CAST: variants seen among roughly 807,000 people sequenced by gnomAD.
CAST encodes MIR583 host.
In CAST, 76 loss-of-function variants were observed where a neutral mutation model predicts 119.6. The ratio of observed to expected loss-of-function variants is 0.64; its 90% CI spans 0.53 to 0.77. The LOEUF (loss-of-function observed/expected upper bound fraction) is 0.77, where lower values mean the gene tolerates loss of function less well. CAST is among the 30% of genes least tolerant of loss of function. CAST has a pLI of 0.00. For synonymous variants in CAST, 319 were observed against 331.6 expected (o/e 0.96, Z 0.41); for missense variants, 953 against 946.5 (o/e 1.01, Z -0.09).
chr5:96,442,483 A>G, the CAST span, among the ~76,000 whole-genome samples: 1 of 152,242 alleles, frequency 6.6e-6, no homozygotes, highest in African/African-American at 2.4e-5. Context: ...TTATCCTAAA[A>G]TGTTATTACC....
At chr5:96,457,258 A>G in the CAST span, among the ~76,000 whole-genome samples, 1 of 152,154 alleles carries the variant, frequency 6.6e-6, no homozygotes, top group Non-Finnish European at 1.5e-5. Context: ...CCATTGCTCT[A>G]GCCCAAGTCA....
the CAST span, among the ~76,000 whole-genome samples, chr5:96,138,002 A>T: frequency 6.6e-6 from 1 of 151,998 alleles, no homozygotes; most frequent in African/African-American, 2.4e-5. Flanking sequence ...ACAAAGTCCA[A>T]CTTATGAATT....
intron 1 of CAST, among the ~76,000 whole-genome samples, chr5:96,561,004 A>G (rs550267508): frequency 3.3e-5 from 5 of 152,358 alleles, no homozygotes; most frequent in African/African-American, 1.2e-4. Flanking sequence ...CATATACACC[A>G]TGGAATACTA....
the CAST span, among the ~76,000 whole-genome samples, chr5:96,025,833 A>G: frequency 6.6e-6 from 1 of 152,214 alleles, no homozygotes; most frequent in East Asian, 1.9e-4. Flanking sequence ...TGGGAACAGC[A>G]TGTGTAAAGT....
chr5:96,358,543 T>G, the CAST span, among the ~76,000 whole-genome samples: 1 of 152,234 alleles, frequency 6.6e-6, no homozygotes, highest in Non-Finnish European at 1.5e-5. Flanking sequence ...TTTGTTCTCA[T>G]TGGTTTCAAA....
intron 1 of CAST, among the ~76,000 whole-genome samples, chr5:96,626,710 T>C (rs1263439466): frequency 6.6e-6 from 1 of 152,198 alleles, no homozygotes; most frequent in Non-Finnish European, 1.5e-5. Flanking sequence ...TTTAATTTTC[T>C]TCATGACAGT....
At chr5:96,750,886 A>C (rs1764908627) in intron 20 of CAST, among the ~76,000 whole-genome samples, 1 of 151,848 alleles carries the variant, frequency 6.6e-6, no homozygotes, top group Admixed American at 6.6e-5. Flanking sequence ...TAATTAAATT[A>C]CTCCCAACTG....
chr5:96,318,505 A>T, the CAST span: 3 of 152,312 alleles, frequency 2.0e-5, no homozygotes, highest in Admixed American at 2.0e-4. Flanking sequence ...GTCTTCATAT[A>T]CTTCAGCACT....
At chr5:96,204,474 C>T in the CAST span, among the ~76,000 whole-genome samples, 1 of 152,066 alleles carries the variant, frequency 6.6e-6, no homozygotes, top group African/African-American at 2.4e-5. Flanking sequence ...AAAGTGAAAA[C>T]TAGGTCCTCT....
At chr5:96,139,142 T>G in the CAST span, among the ~76,000 whole-genome samples, 2 of 152,008 alleles carry the variant, frequency 1.3e-5, no homozygotes, top group Non-Finnish European at 2.9e-5. Context: ...CAAATATCAT[T>G]CCCATTCTAT....
intron 19 of CAST, among the ~76,000 whole-genome samples, chr5:96,749,232 GC>G: frequency 1.3e-5 from 2 of 152,224 alleles, no homozygotes; most frequent in East Asian, 1.9e-4. Context: ...GGCTTTATCT[GC>G]TGCTTTTCCC....
the CAST span, among the ~76,000 whole-genome samples, chr5:96,264,791 A>G: frequency 0.19 from 29,545 of 152,128 alleles, 3,580 homozygotes; most frequent in Non-Finnish European, 0.25. Context: ...TCTCACGTGT[A>G]TATGCTTTTA....
At chr5:96,290,997 C>A in the CAST span, among the ~76,000 whole-genome samples, 1 of 152,210 alleles carries the variant, frequency 6.6e-6, no homozygotes, top group Non-Finnish European at 1.5e-5. Context: ...TGGAGGAAAA[C>A]AGCCACCATG....
At chr5:96,450,397 C>T in the CAST span, among the ~76,000 whole-genome samples, 2 of 152,128 alleles carry the variant, frequency 1.3e-5, no homozygotes, top group African/African-American at 4.8e-5. Flanking sequence ...TGGGTACACA[C>T]AGACATACAG....
chr5:96,158,879 T>G, the CAST span, among the ~76,000 whole-genome samples: 1 of 152,218 alleles, frequency 6.6e-6, no homozygotes, highest in African/African-American at 2.4e-5. Context: ...AGTTTTTATT[T>G]CTTTTATGCC....
chr5:96,412,242 C>T, the CAST span: 2 of 1,211,422 alleles, frequency 1.7e-6, no homozygotes, highest in Non-Finnish European at 2.5e-6. Context: ...TTCCATGTAA[C>T]CTAAGTGTTC....
At chr5:96,079,750 A>G in the CAST span, among the ~76,000 whole-genome samples, 2 of 152,176 alleles carry the variant, frequency 1.3e-5, no homozygotes. Context: ...GGAACATACT[A>G]TATACATCTT....
the CAST span, among the ~76,000 whole-genome samples, chr5:96,316,613 G>A: frequency 6.6e-6 from 1 of 152,200 alleles, no homozygotes; most frequent in African/African-American, 2.4e-5. Context: ...TGAACATGTT[G>A]TAACAAAGAA....
At chr5:96,456,724 T>A in the CAST span, among the ~76,000 whole-genome samples, 2 of 152,212 alleles carry the variant, frequency 1.3e-5, no homozygotes, top group African/African-American at 2.4e-5. Context: ...AGAGAGGTAG[T>A]GATATAGTCT....
Sources: gnomAD v4.1 joint callset for allele counts (sites outside exome capture counted in the v4.1 genomes callset) on GRCh38, gnomAD v4.1.1 for gene constraint, MANE v1.5 for transcripts, NCBI Gene and HGNC (gene_info 2026-07-23, HGNC 2026-07-21) for gene names.